Variants in ZNF831 observed in about 807,000 individuals in gnomAD.
The protein encoded by ZNF831 is chromosome 20 open reading frame 174.
ZNF831 carries 59 observed loss-of-function variants against 95.8 expected under a neutral mutation model. The observed-to-expected ratio is 0.62, with a 90% CI of 0.50 to 0.77. ZNF831 has a LOEUF of 0.77. Among genes scored for constraint, ZNF831 ranks in the 30% least tolerant of loss-of-function variants. The pLI is 0.00. For synonymous variants in ZNF831, 961 were observed against 925.5 expected, an observed-to-expected ratio of 1.04 and a Z score of -0.70; for missense variants, 2,205 against 2,164.0, an observed-to-expected ratio of 1.02 and a Z score of -0.38.
intron 1 of ZNF831, among the ~76,000 whole-genome samples, chr20:59,175,939 C>T (rs1445813707): frequency 3.3e-5 from 5 of 152,170 alleles, no homozygotes; most frequent in Non-Finnish European, 7.3e-5. Flanking sequence ...GTTGAGGTTC[C>T]CTACTCAGCC....
At chr20:59,164,393 C>T (rs1981090139) in intron 1 of ZNF831, among the ~76,000 whole-genome samples, 186 bp downstream of exon 1, 1 of 152,144 alleles carries the variant, frequency 6.6e-6, no homozygotes, top group South Asian at 2.1e-4. Flanking sequence ...TTGCTTTTGT[C>T]AAAATATTTA....
At chr20:59,181,946 C>A (rs1395906968) in intron 1 of ZNF831, among the ~76,000 whole-genome samples, 3 of 152,048 alleles carry the variant, frequency 2.0e-5, no homozygotes, top group Admixed American at 2.0e-4. Context: ...TTTCCTTGAG[C>A]AGTGGTTTGT....
In ZNF831 at chr20:59,193,721, A is replaced by T. The variant is rs2146588170; in HGVS notation, c.2702A>T (p.Asp901Val). 2 of 1,612,062 alleles carry T rather than the reference A, an allele frequency of 1.2e-6. No homozygotes were observed. Among genetic ancestry groups the T allele is most frequent in the Non-Finnish European group, 1.7e-6 (2 of 1,179,152 alleles). Reference sequence around the variant, plus strand: ...GCCCTGAAGAGGGTGGGGCCAAGGGACAAGGCTACCCCACTGCATCCTGCA... The same window carrying T: ...GCCCTGAAGAGGGTGGGGCCAAGGGTCAAGGCTACCCCACTGCATCCTGCA... ...SVALKRVGPR[D>V]KATPLHPAAP... The change falls in exon 2 of 6, where the codon GAC (aspartate) becomes GTC (valine). Residue 901 changes from aspartate (D) to valine (V), a missense_variant. Transcript: ENST00000371030.
At chr20:59,189,187 A>T (rs1304876402) in intron 1 of ZNF831, among the ~76,000 whole-genome samples, 1 of 152,008 alleles carries the variant, frequency 6.6e-6, no homozygotes, top group Non-Finnish European at 1.5e-5. Flanking sequence ...TCTCAAAAAA[A>T]AAATAAAAAA....
intron 1 of ZNF831, among the ~76,000 whole-genome samples, chr20:59,188,785 T>C (rs1983275225): frequency 6.6e-6 from 1 of 152,234 alleles, no homozygotes; most frequent in South Asian, 2.1e-4. Context: ...CCGTGGACTG[T>C]TTTTTCACTT....
intron 4 of ZNF831, among the ~76,000 whole-genome samples, chr20:59,210,751 C>T (rs1278687002): frequency 1.3e-5 from 2 of 152,238 alleles, no homozygotes; most frequent in Non-Finnish European, 2.9e-5. Context: ...GGAAATCCCA[C>T]TTCCATAAAC....
intron 4 of ZNF831, among the ~76,000 whole-genome samples, chr20:59,212,732 C>T (rs1490923512): frequency 6.6e-6 from 1 of 152,198 alleles, no homozygotes; most frequent in East Asian, 1.9e-4. Context: ...TTATGGAGCA[C>T]TCCAGTCATA....
intron 4 of ZNF831, among the ~76,000 whole-genome samples, chr20:59,235,053 C>A (rs1986925662): frequency 6.6e-6 from 1 of 152,144 alleles, no homozygotes; most frequent in Admixed American, 6.5e-5. Flanking sequence ...TCAGCCCCGG[C>A]TCTCAGTCAC....
chr20:59,243,607 C>T (rs1252664576), intron 4 of ZNF831, among the ~76,000 whole-genome samples: 1 of 152,142 alleles, frequency 6.6e-6, no homozygotes, highest in East Asian at 1.9e-4. Context: ...CTCCCTCATC[C>T]ACTCACTCCC....
chr20:59,194,568 C>T lies in ZNF831; in HGVS notation c.3549C>T (p.Leu1183=), dbSNP rs2146601673. 6.2e-7 allele frequency: 1 copy of T among 1,607,978 alleles called. No homozygotes were observed. The highest frequency in any genetic ancestry group is 8.5e-7 in the Non-Finnish European group (1 of 1,176,704). ...PFPSLKAEPR[L]TWCCLSRSVP... is the part of the protein sequence containing the mutation. Reference sequence around the variant, plus strand: ...CCTCACTGAAGGCTGAGCCGCGGCTCACGTGGTGTTGCCTGAGCCGCAGTG... The same window carrying T: ...CCTCACTGAAGGCTGAGCCGCGGCTTACGTGGTGTTGCCTGAGCCGCAGTG... Residue 1183 remains leucine (L), a synonymous_variant, in exon 2 of 6, where the codon CTC becomes CTT. Transcript: ENST00000371030.
intron 1 of ZNF831, among the ~76,000 whole-genome samples, chr20:59,126,549 C>T (rs1396436949): frequency 1.3e-5 from 2 of 152,228 alleles, no homozygotes; most frequent in African/African-American, 4.8e-5. Context: ...CCTCCAGCCA[C>T]ACCCTATTTT....
chr20:59,234,454 C>T (rs577391553), intron 4 of ZNF831, among the ~76,000 whole-genome samples: 4 of 152,050 alleles, frequency 2.6e-5, no homozygotes, highest in Non-Finnish European at 5.9e-5. Context: ...AGTACAATAC[C>T]CCAAATACTG....
At chr20:59,240,725 C>T (rs1987284671) in intron 4 of ZNF831, among the ~76,000 whole-genome samples, 1 of 152,104 alleles carries the variant, frequency 6.6e-6, no homozygotes, top group Non-Finnish European at 1.5e-5. Context: ...TGGCGTGAAC[C>T]CGGGAGGCGG....
In ZNF831 at chr20:59,254,397, A is replaced by G. The variant is rs767767904; in HGVS notation, c.4688A>G (p.Glu1563Gly). 6.2e-7 allele frequency: 1 copy of G among 1,614,194 alleles called. No homozygotes were observed. The highest frequency in any genetic ancestry group is 8.5e-7 in the Non-Finnish European group (1 of 1,180,038). The change falls in exon 6 of 6, where the codon GAA (glutamate) becomes GGA (glycine). Residue 1563 changes from glutamate to glycine, a missense_variant. Coordinates refer to ENST00000371030, the MANE Select transcript of ZNF831 (RefSeq NM_178457.3). This position sits in a 1 kb window ranked among gnomAD's most constrained non-coding sequence, Gnocchi z 4.5. ...ISDSVPLEST[E>G]KTHLEIPASG... is the part of the protein sequence containing the mutation. ...GATTCGGTTCCACTGGAGTCAACTG[A>G]AAAAACTCATCTTGAAATACCAGCT...
chr20:59,213,036 A>T (rs1985447693), intron 4 of ZNF831, among the ~76,000 whole-genome samples: 1 of 152,220 alleles, frequency 6.6e-6, no homozygotes, highest in African/African-American at 2.4e-5. Context: ...CAAAGATGAT[A>T]ACTCTAGGAG....
intron 4 of ZNF831, among the ~76,000 whole-genome samples, chr20:59,222,047 T>G (rs1247996588): frequency 6.6e-6 from 1 of 152,246 alleles, no homozygotes; most frequent in Non-Finnish European, 1.5e-5. Context: ...ATAGTTAATG[T>G]GCGACGCCCC....
intron 1 of ZNF831, among the ~76,000 whole-genome samples, chr20:59,172,536 G>T (rs868479556): frequency 6.6e-6 from 1 of 152,138 alleles, no homozygotes. Context: ...GAGGCATGCC[G>T]CTGGGAGAGT....
intron 1 of ZNF831, among the ~76,000 whole-genome samples, chr20:59,125,631 A>G (rs1342978972): frequency 6.6e-6 from 1 of 152,214 alleles, no homozygotes; most frequent in Non-Finnish European, 1.5e-5. Flanking sequence ...GGTGTTAGCT[A>G]TGCAGATTTT....
At chr20:59,252,921 T>A in intron 4 of ZNF831, 57 bp from the exon 5 acceptor site, 2 of 1,559,892 alleles carry the variant, frequency 1.3e-6, no homozygotes. Flanking sequence ...CCCAGGAAAT[T>A]ACTCTTTGCT....
Sources: gnomAD v4.1 joint callset for allele counts (sites outside exome capture counted in the v4.1 genomes callset) on GRCh38, gnomAD v4.1.1 for gene constraint, Gnocchi (gnomAD v3.1) non-coding constraint, MANE v1.5 for transcripts, NCBI Gene and HGNC (gene_info 2026-07-23, HGNC 2026-07-21) for gene names.